Variants in TBC1D32 observed in about 807,000 individuals in gnomAD.
TBC1D32 encodes the protein protein broad-minded.
In TBC1D32, 151 loss-of-function variants were observed where a neutral mutation model predicts 170.3. The ratio of observed to expected loss-of-function variants is 0.89; its 90% confidence interval spans 0.78 to 1.01. The LOEUF (loss-of-function observed/expected upper bound fraction) is 1.01. TBC1D32 is among the 50% of genes least tolerant of loss of function. The pLI is 0.00. For missense variants in TBC1D32, 1,464 were observed against 1,457.1 expected (o/e 1.00, Z -0.08); for synonymous variants, 498 against 488.0 (o/e 1.02, Z -0.27).
At chr6:121,312,833 T>C (rs921699773) in intron 3 of TBC1D32, among the ~76,000 whole-genome samples, 1 of 152,218 alleles carries the variant, frequency 6.6e-6, no homozygotes, top group African/African-American at 2.4e-5. Context: ...GTTTAGTCTT[T>C]ACATAGACAA....
At chr6:121,128,896 G>A (rs1471058772) in intron 25 of TBC1D32, among the ~76,000 whole-genome samples, 1 of 152,078 alleles carries the variant, frequency 6.6e-6, no homozygotes, top group African/African-American at 2.4e-5. Context: ...TTTTGCCTTT[G>A]GGAAGTGAGC....
At chr6:121,234,478 CT>C (rs1276581200) in intron 20 of TBC1D32, among the ~76,000 whole-genome samples, 1 of 151,880 alleles carries the variant, frequency 6.6e-6, no homozygotes, top group African/African-American at 2.4e-5. Context: ...CTCTGAAGTT[CT>C]TTCTTCTGCT....
intron 17 of TBC1D32, among the ~76,000 whole-genome samples, chr6:121,247,255 T>A (rs2128375150): frequency 6.6e-6 from 1 of 152,168 alleles, no homozygotes; most frequent in Admixed American, 6.5e-5. Context: ...ATAAAATCTT[T>A]TTCAGACAAA....
At chr6:121,218,697 T>G (rs958259366) in intron 21 of TBC1D32, among the ~76,000 whole-genome samples, 3 of 152,186 alleles carry the variant, frequency 2.0e-5, no homozygotes, top group Non-Finnish European at 2.9e-5. Flanking sequence ...AGATATATCC[T>G]ATTAGTTCTG....
intron 24 of TBC1D32, among the ~76,000 whole-genome samples, chr6:121,152,079 G>A (rs868049584): frequency 1.2e-4 from 18 of 152,174 alleles, no homozygotes; most frequent in Non-Finnish European, 1.5e-4. Context: ...ATTAGTTGGC[G>A]TAGTTTCTTC....
chr6:121,314,836 G>A (rs181738309), intron 3 of TBC1D32, among the ~76,000 whole-genome samples: 184 of 152,268 alleles, frequency 1.2e-3, no homozygotes, highest in African/African-American at 4.3e-3. Flanking sequence ...CTATTTGAGT[G>A]TGTCTCTGAA....
At chr6:121,309,250 G>A (rs1807813441) in intron 4 of TBC1D32, among the ~76,000 whole-genome samples, 1 of 152,126 alleles carries the variant, frequency 6.6e-6, no homozygotes, top group South Asian at 2.1e-4. Context: ...AGGAAAAAAT[G>A]CCATTAAGAA....
chr6:121,280,038 A>T (rs984813560), intron 14 of TBC1D32, among the ~76,000 whole-genome samples: 10 of 151,938 alleles, frequency 6.6e-5, no homozygotes, highest in African/African-American at 2.4e-4. Flanking sequence ...CTAACTAATG[A>T]TTAGTCAGGT....
chr6:121,117,343 G>A (rs758806012), intron 26 of TBC1D32, among the ~76,000 whole-genome samples: 2 of 152,088 alleles, frequency 1.3e-5, no homozygotes, highest in Non-Finnish European at 1.5e-5. Context: ...AAATATGCAA[G>A]GAATAAAAAC....
chr6:121,112,917 A>C, intron 28 of TBC1D32, 145 bp downstream of exon 28: 1 of 653,726 alleles, frequency 1.5e-6, no homozygotes, highest in South Asian at 2.7e-5. Context: ...ATACAGAATA[A>C]AATACTGTAA....
chr6:121,274,226 G>A (rs182471160), intron 15 of TBC1D32, among the ~76,000 whole-genome samples: 202 of 151,828 alleles, frequency 1.3e-3, no homozygotes, highest in African/African-American at 4.7e-3. Flanking sequence ...CCAGCTACTC[G>A]GGAGGCTGAG....
chr6:121,203,150 T>C (rs907253053), intron 22 of TBC1D32, among the ~76,000 whole-genome samples: 1 of 151,292 alleles, frequency 6.6e-6, no homozygotes, highest in African/African-American at 2.5e-5. Flanking sequence ...ACAAGGTTTA[T>C]GAAAAATGCA....
chr6:121,205,450 C>T (rs1200504516), intron 21 of TBC1D32, among the ~76,000 whole-genome samples: 1 of 152,188 alleles, frequency 6.6e-6, no homozygotes, highest in African/African-American at 2.4e-5. Flanking sequence ...GTGGAAAACA[C>T]TGATTTTGAC....
At chr6:121,110,707 T>G (rs1176129486) in intron 29 of TBC1D32, among the ~76,000 whole-genome samples, 1 of 152,098 alleles carries the variant, frequency 6.6e-6, no homozygotes, top group Admixed American at 6.5e-5. Context: ...AATAATATAT[T>G]AAGACTTACT....
intron 22 of TBC1D32, among the ~76,000 whole-genome samples, chr6:121,188,301 T>A (rs1357188000): frequency 6.6e-6 from 1 of 152,146 alleles, no homozygotes; most frequent in Non-Finnish European, 1.5e-5. Context: ...ATTACTAGCA[T>A]GTACTTTGAA....
chr6:121,287,682 C>A (rs183296395), intron 12 of TBC1D32, among the ~76,000 whole-genome samples: 1,736 of 152,252 alleles, frequency 0.011, 11 homozygotes, highest in Non-Finnish European at 0.018. Flanking sequence ...CTCTCCACCC[C>A]AAATCAACAG....
intron 20 of TBC1D32, among the ~76,000 whole-genome samples, chr6:121,232,687 A>T (rs1328691542): frequency 6.6e-6 from 1 of 151,396 alleles, no homozygotes; most frequent in East Asian, 1.9e-4. Flanking sequence ...TTATTTTTGC[A>T]ACTATTGTAA....
At chr6:121,288,984 G>C (rs1185554259) in intron 12 of TBC1D32, among the ~76,000 whole-genome samples, 1 of 152,096 alleles carries the variant, frequency 6.6e-6, no homozygotes, top group Non-Finnish European at 1.5e-5. Flanking sequence ...CAATAAATTA[G>C]GTATTGATGG....
intron 22 of TBC1D32, chr6:121,163,030 C>T (rs1400247461): frequency 2.8e-5 from 1 of 35,664 alleles, no homozygotes; most frequent in African/African-American, 7.8e-5. Context: ...TAAGAAACGG[C>T]GCACCACGAG....
Sources: allele counts gnomAD v4.1 joint callset (sites outside exome capture counted in the v4.1 genomes callset), GRCh38; gene constraint gnomAD v4.1.1; transcripts MANE v1.5; gene names NCBI Gene and HGNC (gene_info 2026-07-23, HGNC 2026-07-21).